Variants in PGCKA1 observed in about 807,000 individuals in gnomAD.
The protein encoded by PGCKA1 is PDCD10 and GCKIII kinases-associated protein 1.
chr4:37,571,350 T>C, the PGCKA1 span, among the ~76,000 whole-genome samples: 12 of 141,716 alleles, frequency 8.5e-5, no homozygotes, highest in East Asian at 2.5e-3. Flanking sequence ...ATAGAGACTA[T>C]TATCCTTTTT....
At chr4:37,541,741 C>G in the PGCKA1 span, among the ~76,000 whole-genome samples, 2 of 152,210 alleles carry the variant, frequency 1.3e-5, no homozygotes, top group Non-Finnish European at 2.9e-5. Flanking sequence ...TCAGGAGTTT[C>G]TGGCTCTAGA....
the PGCKA1 span, among the ~76,000 whole-genome samples, chr4:37,566,740 C>G: frequency 6.6e-6 from 1 of 152,088 alleles, no homozygotes; most frequent in Non-Finnish European, 1.5e-5. Flanking sequence ...ACCACCACAC[C>G]CAGCTAATAT....
At chr4:37,552,049 G>A in the PGCKA1 span, among the ~76,000 whole-genome samples, 1 of 151,986 alleles carries the variant, frequency 6.6e-6, no homozygotes, top group African/African-American at 2.4e-5. Flanking sequence ...CCTGTCTTAA[G>A]AAAAAAAACA....
chr4:37,543,929 C>G, the PGCKA1 span, among the ~76,000 whole-genome samples: 2 of 152,138 alleles, frequency 1.3e-5, no homozygotes, highest in African/African-American at 4.8e-5. Flanking sequence ...TCTGGGATCT[C>G]CCATCACCAT....
chr4:37,583,999 A>G, the PGCKA1 span, among the ~76,000 whole-genome samples: 2 of 152,216 alleles, frequency 1.3e-5, no homozygotes, highest in African/African-American at 4.8e-5. Context: ...ACGTCAAAAG[A>G]GCATATTTTT....
the PGCKA1 span, among the ~76,000 whole-genome samples, chr4:37,563,887 C>T: frequency 7.2e-5 from 11 of 152,306 alleles, no homozygotes; most frequent in South Asian, 1.2e-3. Flanking sequence ...CATGGAGACA[C>T]GGCCCAGTTC....
chr4:37,508,693 G>GTTTTTTTTTTTTTTTTTTTTTTTT, the PGCKA1 span, among the ~76,000 whole-genome samples: 69 of 53,202 alleles, frequency 1.3e-3, no homozygotes, highest in Non-Finnish European at 1.7e-3. Context: ...CTTTTTTTTA[G>GTTTTTTTTTTTTTTTTTTTTTTTT]TATTTATTGA....
At chr4:37,587,307 A>T in the PGCKA1 span, among the ~76,000 whole-genome samples, 1 of 152,192 alleles carries the variant, frequency 6.6e-6, no homozygotes, top group Non-Finnish European at 1.5e-5. Context: ...AAATACCTTT[A>T]ATTTGGGGGC....
At chr4:37,505,907 T>C in the PGCKA1 span, among the ~76,000 whole-genome samples, 1 of 152,252 alleles carries the variant, frequency 6.6e-6, no homozygotes, top group East Asian at 1.9e-4. Flanking sequence ...AGTAAAGCCA[T>C]CAAGTCCATG....
At chr4:37,535,280 G>A in the PGCKA1 span, among the ~76,000 whole-genome samples, 3 of 152,208 alleles carry the variant, frequency 2.0e-5, no homozygotes, top group Non-Finnish European at 2.9e-5. Context: ...CCCAGTGCTT[G>A]GTCGGCCAAG....
chr4:37,551,015 A>C, the PGCKA1 span, among the ~76,000 whole-genome samples: 1 of 68,410 alleles, frequency 1.5e-5, no homozygotes, highest in African/African-American at 5.1e-5. Context: ...ATAGTACCAT[A>C]AAAAAAAAAC....
the PGCKA1 span, among the ~76,000 whole-genome samples, chr4:37,483,011 T>C: frequency 6.6e-6 from 1 of 152,082 alleles, no homozygotes; most frequent in Admixed American, 6.6e-5. Context: ...CCAAATCTCA[T>C]CCCGAATTGT....
At chr4:37,554,026 C>G in the PGCKA1 span, among the ~76,000 whole-genome samples, 1 of 152,172 alleles carries the variant, frequency 6.6e-6, no homozygotes, top group South Asian at 2.1e-4. Flanking sequence ...TTGTAGCTAC[C>G]ATAATCCCCA....
At chr4:37,495,107 C>T in the PGCKA1 span, among the ~76,000 whole-genome samples, 2 of 151,574 alleles carry the variant, frequency 1.3e-5, no homozygotes, top group South Asian at 2.1e-4. Context: ...AACATTCATG[C>T]GGCCAACAAA....
chr4:37,546,924 A>C, the PGCKA1 span, among the ~76,000 whole-genome samples: 87 of 152,378 alleles, frequency 5.7e-4, no homozygotes, highest in Non-Finnish European at 1.0e-3. Flanking sequence ...GAAACTAGGT[A>C]AGACCAGTCT....
chr4:37,474,254 G>A, the PGCKA1 span, among the ~76,000 whole-genome samples: 1 of 152,100 alleles, frequency 6.6e-6, no homozygotes, highest in Non-Finnish European at 1.5e-5. Context: ...TTTCTCACGG[G>A]TTTCTCTCTT....
chr4:37,568,111 C>A, the PGCKA1 span, among the ~76,000 whole-genome samples: 1 of 152,308 alleles, frequency 6.6e-6, no homozygotes, highest in African/African-American at 2.4e-5. Flanking sequence ...CCTCAGCATT[C>A]CTACAGTGGA....
the PGCKA1 span, among the ~76,000 whole-genome samples, chr4:37,550,167 C>G: frequency 3.9e-5 from 6 of 152,132 alleles, no homozygotes; most frequent in Non-Finnish European, 7.4e-5. Flanking sequence ...CCCCTCTGAA[C>G]CTCCCATGAT....
the PGCKA1 span, among the ~76,000 whole-genome samples, chr4:37,527,784 C>T: frequency 6.6e-6 from 1 of 151,176 alleles, no homozygotes; most frequent in African/African-American, 2.4e-5. Flanking sequence ...GAGCCGAGAT[C>T]GCACCACTGC....
Sources: gnomAD v4.1 joint callset for allele counts (sites outside exome capture counted in the v4.1 genomes callset) on GRCh38, gnomAD v4.1.1 for gene constraint, MANE v1.5 for transcripts, NCBI Gene and HGNC (gene_info 2026-07-23, HGNC 2026-07-21) for gene names.